Variants in NBPF20 observed in about 807,000 individuals in gnomAD.
NBPF20 encodes the protein NBPF member 20.
A neutral mutation model predicts 68.1 loss-of-function variants in NBPF20; 90 were observed. The ratio of observed to expected loss-of-function variants is 1.32; its 90% CI spans 1.11 to 1.58. The LOEUF (loss-of-function observed/expected upper bound fraction) is 1.58, where lower values mean the gene tolerates loss of function less well. Among genes scored for constraint, NBPF20 ranks in the 40% most tolerant of loss-of-function variants. The pLI, the probability that NBPF20 is intolerant of heterozygous loss-of-function variation, is 0.00. For synonymous variants in NBPF20, 290 were observed against 228.1 expected (o/e 1.27, Z -2.45); for missense variants, 816 against 601.2 (o/e 1.36, Z -3.74).
At chr1:145,377,549 A>C in intron 29 of NBPF20, 111 bp from the exon 35 acceptor site, 1 of 531,422 alleles carries the variant, frequency 1.9e-6, no homozygotes. Flanking sequence ...AAAAGGACAG[A>C]TCCATTAATG....
At chr1:145,424,450 A>C in the NBPF20 span, among the ~76,000 whole-genome samples, 10 of 152,324 alleles carry the variant, frequency 6.6e-5, no homozygotes, top group Admixed American at 2.6e-4. Context: ...AGCTACTAAC[A>C]CATATCAGCT....
exon 138 of NBPF20, chr1:145,291,519 G>A (rs1406791167): frequency 6.8e-6 from 11 of 1,611,850 alleles, no homozygotes; most frequent in Non-Finnish European, 9.3e-6. Context: ...GGCTTAGTAA[G>A]GGCTGTTTAT....
chr1:145,394,930 C>G, intron 8 of NBPF20, 48 bp downstream of exon 13: 3 of 1,610,050 alleles, frequency 1.9e-6, no homozygotes, highest in Non-Finnish European at 2.5e-6. Context: ...ATGGGGTCTA[C>G]CTGGGCCATG....
At chr1:145,406,812 C>T (rs1437995219), upstream of NBPF20, among the ~76,000 whole-genome samples, 1 of 129,598 alleles carries the variant, frequency 7.7e-6, no homozygotes, top group Admixed American at 8.0e-5. Context: ...ATATTTTTTG[C>T]TGTATTATAT....
chr1:145,425,187 T>C, the NBPF20 span, among the ~76,000 whole-genome samples: 2 of 152,096 alleles, frequency 1.3e-5, no homozygotes, highest in Non-Finnish European at 2.9e-5. Flanking sequence ...ATCCAACGCA[T>C]GGAACTTAAG....
chr1:145,411,179 C>T, the NBPF20 span, among the ~76,000 whole-genome samples: 9 of 145,048 alleles, frequency 6.2e-5, no homozygotes, highest in Non-Finnish European at 1.1e-4. Flanking sequence ...TAAATTTCTA[C>T]CAAAATGCCG....
intron 10 of NBPF20, 130 bp from the exon 16 acceptor site, chr1:145,392,484 C>G: frequency 3.7e-5 from 1 of 27,048 alleles, no homozygotes; most frequent in South Asian, 2.8e-4. Flanking sequence ...GAGAGATAGT[C>G]TTCAGGAGGC....
chr1:145,292,290 A>C (rs1553658091), intron 137 of NBPF20, 91 bp downstream of exon 142: 3 of 611,026 alleles, frequency 4.9e-6, no homozygotes, highest in Non-Finnish European at 8.6e-6. Flanking sequence ...CCTTCGTTGA[A>C]AACATGACAT....
At chr1:145,342,808 C>G (rs1188674591) in intron 73 of NBPF20, among the ~76,000 whole-genome samples, 1 of 115,500 alleles carries the variant, frequency 8.7e-6, no homozygotes, top group Non-Finnish European at 1.8e-5. Flanking sequence ...CACACACACA[C>G]ACACAGAGAG....
intron 2 of NBPF20, among the ~76,000 whole-genome samples, chr1:145,404,792 T>C (rs199661979): frequency 4.0e-5 from 6 of 151,650 alleles, no homozygotes; most frequent in African/African-American, 1.5e-4. Flanking sequence ...GGATCTTATA[T>C]GGTACAGAGA....
chr1:145,394,127 G>A (rs1383500457), intron 8 of NBPF20, among the ~76,000 whole-genome samples, 192 bp from the exon 14 acceptor site: 2 of 151,986 alleles, frequency 1.3e-5, no homozygotes. Context: ...CATGAGCCTT[G>A]GGCAAAATTC....
intron 7 of NBPF20, among the ~76,000 whole-genome samples, 193 bp downstream of exon 12, chr1:145,398,856 T>C (rs1662382402): frequency 6.7e-6 from 1 of 150,348 alleles, no homozygotes; most frequent in Non-Finnish European, 1.5e-5. Flanking sequence ...TGATGGCAAG[T>C]TCCTATCTTG....
At chr1:145,393,932 T>C (rs1466421976) in exon 9 of NBPF20, 14 of 1,373,946 alleles carry the variant, frequency 1.0e-5, no homozygotes, top group Middle Eastern at 2.1e-4. Flanking sequence ...ATCCCACCGA[T>C]GTCCTGCAAA....
chr1:145,410,738 GTA>G, the NBPF20 span, among the ~76,000 whole-genome samples: 12 of 134,666 alleles, frequency 8.9e-5, no homozygotes, highest in Admixed American at 3.0e-4. Context: ...GCCTGTCTGT[GTA>G]TATATATATA....
chr1:145,342,730 A>G (rs1661626683), intron 73 of NBPF20, among the ~76,000 whole-genome samples, 171 bp from the exon 79 acceptor site: 2 of 104,214 alleles, frequency 1.9e-5, no homozygotes, highest in Non-Finnish European at 3.9e-5. Flanking sequence ...GGCCAAATGG[A>G]AAAGAATGAA....
intron 79 of NBPF20, among the ~76,000 whole-genome samples, chr1:145,338,052 CAGAG>C (rs1294713901): frequency 7.6e-5 from 6 of 78,516 alleles, no homozygotes; most frequent in East Asian, 5.0e-4. Flanking sequence ...CACACACACA[CAGAG>C]AGAGAGAGAA....
intron 137 of NBPF20, 96 bp from the exon 143 acceptor site, chr1:145,291,865 A>G: frequency 6.2e-7 from 1 of 1,605,276 alleles, no homozygotes; most frequent in South Asian, 1.1e-5. Flanking sequence ...AGTGGTTAGA[A>G]AAGAAAAAGG....
chr1:145,394,712 A>G (rs1265296376), intron 8 of NBPF20, among the ~76,000 whole-genome samples: 2 of 152,030 alleles, frequency 1.3e-5, no homozygotes, highest in East Asian at 3.9e-4. Flanking sequence ...TGAGTTTGCC[A>G]CACCTGCCTT....
chr1:145,423,825 T>A, the NBPF20 span, among the ~76,000 whole-genome samples: 3 of 152,192 alleles, frequency 2.0e-5, no homozygotes, highest in African/African-American at 7.2e-5. Context: ...ACAATCACTT[T>A]GGGAAAACAT....
Sources: gnomAD v4.1 joint callset for allele counts (sites outside exome capture counted in the v4.1 genomes callset) on GRCh38, gnomAD v4.1.1 for gene constraint, MANE v1.5 for transcripts, NCBI Gene and HGNC (gene_info 2026-07-23, HGNC 2026-07-21) for gene names.